SNX13: variants seen among roughly 807,000 people sequenced by gnomAD.
SNX13 encodes the protein sorting nexin-13.
Under a neutral mutation model 133.6 loss-of-function variants are expected in SNX13, and 45 were observed. The observed-to-expected ratio is 0.34, with a 90% CI of 0.27 to 0.43. The LOEUF is 0.43. SNX13 is among the 20% of genes least tolerant of loss of function. SNX13 has a pLI of 1.00. For synonymous variants in SNX13, 414 were observed against 373.9 expected (o/e 1.11, Z -1.24); for missense variants, 1,032 against 1,145.1 (o/e 0.90, Z 1.43).
At chr7:17,933,529 C>G (rs10232030) in intron 1 of SNX13, among the ~76,000 whole-genome samples, 4,711 of 148,358 alleles carry the variant, frequency 0.032, 257 homozygotes, top group African/African-American at 0.11. Context: ...GGCAACAGAG[C>G]GAGACTCTGT....
chr7:17,905,278 C>T (rs973174455), intron 1 of SNX13, among the ~76,000 whole-genome samples: 8 of 152,166 alleles, frequency 5.3e-5, no homozygotes, highest in African/African-American at 1.7e-4. Context: ...ATTTTGGAGG[C>T]TTCATATTGA....
At chr7:17,844,304 T>C (rs994596466) in intron 12 of SNX13, among the ~76,000 whole-genome samples, 19 of 151,890 alleles carry the variant, frequency 1.3e-4, no homozygotes, top group Admixed American at 6.6e-4. Flanking sequence ...GATATCCTAG[T>C]GGAAATGGAA....
At chr7:17,911,319 A>T (rs1424567190) in intron 1 of SNX13, among the ~76,000 whole-genome samples, 1 of 152,196 alleles carries the variant, frequency 6.6e-6, no homozygotes, top group Non-Finnish European at 1.5e-5. Flanking sequence ...TCTCAGCAAC[A>T]GTTTTTCAGG....
intron 20 of SNX13, among the ~76,000 whole-genome samples, chr7:17,811,928 A>G (rs1786087073): frequency 6.6e-6 from 1 of 152,308 alleles, no homozygotes; most frequent in Middle Eastern, 3.4e-3. Flanking sequence ...TGGTGTTGGA[A>G]AAACTGGCTA....
At chr7:17,891,309 T>C (rs1383138406) in intron 4 of SNX13, among the ~76,000 whole-genome samples, 1 of 152,008 alleles carries the variant, frequency 6.6e-6, no homozygotes, top group Non-Finnish European at 1.5e-5. Flanking sequence ...CTATCAAATG[T>C]CAATAACAAC....
intron 9 of SNX13, among the ~76,000 whole-genome samples, chr7:17,859,166 C>A (rs1027841077): frequency 5.9e-5 from 9 of 151,822 alleles, no homozygotes; most frequent in African/African-American, 1.9e-4. Flanking sequence ...CAAGTCATAA[C>A]CTAGGGAATA....
intron 11 of SNX13, among the ~76,000 whole-genome samples, chr7:17,848,671 T>C (rs538491979): frequency 2.3e-3 from 354 of 152,140 alleles, no homozygotes; most frequent in African/African-American, 6.5e-3. Context: ...TCGCGAGGGG[T>C]GGAATACAGT....
chr7:17,829,894 A>C (rs1252226028), intron 16 of SNX13, 116 bp downstream of exon 16: 2 of 628,876 alleles, frequency 3.2e-6, no homozygotes, highest in African/African-American at 3.8e-5. Flanking sequence ...AACTTTTTAC[A>C]ATACTAAAGG....
chr7:17,813,680 A>C (rs1583334090), intron 20 of SNX13, among the ~76,000 whole-genome samples: 1 of 150,494 alleles, frequency 6.6e-6, no homozygotes, highest in East Asian at 2.0e-4. Context: ...TTGGCCTCCC[A>C]GGTTCAAGCA....
intron 9 of SNX13, among the ~76,000 whole-genome samples, chr7:17,867,738 G>A: frequency 6.6e-6 from 1 of 152,204 alleles, no homozygotes; most frequent in East Asian, 1.9e-4. Flanking sequence ...GAAGACAAAT[G>A]TAGAGTAGAA....
At chr7:17,851,131 G>A (rs1791152255) in intron 9 of SNX13, among the ~76,000 whole-genome samples, 167 bp from the exon 10 acceptor site, 1 of 152,152 alleles carries the variant, frequency 6.6e-6, no homozygotes, top group South Asian at 2.1e-4. Flanking sequence ...ATGGATCTTA[G>A]ACTGCAAATA....
chr7:17,911,508 G>A (rs984524361), intron 1 of SNX13, among the ~76,000 whole-genome samples: 1 of 151,990 alleles, frequency 6.6e-6, no homozygotes, highest in Non-Finnish European at 1.5e-5. Flanking sequence ...GCGTAGTGGT[G>A]TATGTCTGTA....
chr7:17,797,037 G>T, intron 24 of SNX13, 98 bp from the exon 25 acceptor site: 1 of 909,822 alleles, frequency 1.1e-6, no homozygotes, highest in Non-Finnish European at 1.7e-6. Flanking sequence ...ATACAAATGT[G>T]AACAGAAAGA....
intron 8 of SNX13, 32 bp from the exon 9 acceptor site, chr7:17,868,522 T>C (rs368556108): frequency 1.3e-5 from 19 of 1,494,286 alleles, no homozygotes; most frequent in Non-Finnish European, 1.7e-5. Context: ...AAAACAAATT[T>C]AATCTATTTC....
chr7:17,823,573 A>G (rs1354492993), intron 17 of SNX13, among the ~76,000 whole-genome samples: 1 of 152,144 alleles, frequency 6.6e-6, no homozygotes, highest in Admixed American at 6.6e-5. Flanking sequence ...TTCCCTTTCC[A>G]TCTATTATCA....
chr7:17,850,485 A>G, intron 10 of SNX13, 50 bp from the exon 11 acceptor site: 1 of 1,159,298 alleles, frequency 8.6e-7, no homozygotes, highest in Non-Finnish European at 1.2e-6. Flanking sequence ...TATTTATGAA[A>G]TACTTTAAAC....
intron 13 of SNX13, 35 bp downstream of exon 13, chr7:17,839,772 T>C: frequency 6.6e-7 from 1 of 1,523,520 alleles, no homozygotes; most frequent in Non-Finnish European, 8.8e-7. Context: ...ATAATACTGC[T>C]AAAGAAGAAA....
At chr7:17,868,559 T>G in intron 8 of SNX13, 69 bp from the exon 9 acceptor site, 1 of 1,172,274 alleles carries the variant, frequency 8.5e-7, no homozygotes, top group Non-Finnish European at 1.2e-6. Context: ...ATGTAAATAT[T>G]CTAACACAAT....
intron 17 of SNX13, among the ~76,000 whole-genome samples, chr7:17,822,501 T>C (rs1167728860): frequency 1.3e-5 from 2 of 152,176 alleles, no homozygotes; most frequent in African/African-American, 4.8e-5. Context: ...TTTATTTGGT[T>C]CTTTTTCATA....
Sources: allele counts gnomAD v4.1 joint callset (sites outside exome capture counted in the v4.1 genomes callset), GRCh38; gene constraint gnomAD v4.1.1; transcripts MANE v1.5; gene names NCBI Gene and HGNC (gene_info 2026-07-23, HGNC 2026-07-21).